Variants in CSMD1 observed in about 807,000 individuals in gnomAD.
The protein encoded by CSMD1 is CUB and sushi domain-containing protein 1.
In CSMD1, 213 loss-of-function variants were observed where a neutral mutation model predicts 417.5. That is an observed-to-expected ratio of 0.51 (90% CI 0.46 to 0.57). The LOEUF (loss-of-function observed/expected upper bound fraction) is 0.57, where lower values mean the gene tolerates loss of function less well. CSMD1 is among the 20% of genes least tolerant of loss of function. The probability of loss-of-function intolerance (pLI) is 0.00; values close to 1 mark genes in which losing one functional copy is unlikely to be tolerated. For synonymous variants in CSMD1, 2,862 were observed against 1,736.8 expected (o/e 1.65, Z -16.11); for missense variants, 6,923 against 4,529.7 (o/e 1.53, Z -15.17).
At chr8:3,842,077 C>A (rs1448478293) in intron 5 of CSMD1, among the ~76,000 whole-genome samples, 4 of 152,172 alleles carry the variant, frequency 2.6e-5, no homozygotes, top group African/African-American at 9.7e-5. Flanking sequence ...AAAACACACA[C>A]TAAATGTAAC....
intron 1 of CSMD1, among the ~76,000 whole-genome samples, chr8:4,713,894 G>A (rs1331426842): frequency 6.6e-6 from 1 of 152,094 alleles, no homozygotes; most frequent in Non-Finnish European, 1.5e-5. Context: ...GATAAAATTT[G>A]GGCTTGTGGG....
At chr8:3,730,283 A>C (rs1367450869) in intron 6 of CSMD1, among the ~76,000 whole-genome samples, 2 of 151,978 alleles carry the variant, frequency 1.3e-5, no homozygotes. Flanking sequence ...CCTTGGATGC[A>C]TCATCCCTGA....
intron 1 of CSMD1, among the ~76,000 whole-genome samples, chr8:4,925,233 T>G (rs1007630402): frequency 6.3e-5 from 9 of 142,370 alleles, no homozygotes; most frequent in African/African-American, 2.3e-4. Context: ...TTTTTTTTTT[T>G]TTTTTTTGCA....
At chr8:3,303,599 C>T (rs1176773561) in intron 25 of CSMD1, among the ~76,000 whole-genome samples, 1 of 152,190 alleles carries the variant, frequency 6.6e-6, no homozygotes, top group Non-Finnish European at 1.5e-5. Context: ...TCAAAGTGAG[C>T]TTTCCAGACA....
chr8:4,907,157 T>C (rs1314409608), intron 1 of CSMD1, among the ~76,000 whole-genome samples: 2 of 152,226 alleles, frequency 1.3e-5, no homozygotes, highest in Non-Finnish European at 2.9e-5. Flanking sequence ...GAAATATTCT[T>C]ACTTAAATCA....
intron 5 of CSMD1, among the ~76,000 whole-genome samples, chr8:3,781,941 C>T (rs768513426): frequency 6.6e-6 from 1 of 151,938 alleles, no homozygotes; most frequent in East Asian, 1.9e-4. Flanking sequence ...ATCTCACATG[C>T]CAACTCCATT....
In CSMD1 at chr8:3,011,175, A is replaced by G. The variant is rs189881589; in HGVS notation, c.8029+7302T>C. ...AGAAAAATATCATTAAATACTATTCAGAAATATGACAGAAAAACCCACCGC... is the reference window on the plus strand; with the variant it reads ...AGAAAAATATCATTAAATACTATTCGGAAATATGACAGAAAAACCCACCGC... On this transcript the variant is annotated intron_variant, in intron 52 of 69. Coordinates refer to ENST00000635120, the MANE Select transcript of CSMD1 (RefSeq NM_033225.6). Among the ~76,000 whole-genome samples the G allele has an allele frequency of 1.9e-3, 288 of 152,334 alleles. 1 individual carries two copies. Among genetic ancestry groups the G allele is most frequent in the South Asian group, 7.0e-3 (34 of 4,832 alleles).
intron 49 of CSMD1, among the ~76,000 whole-genome samples, chr8:3,054,893 T>C (rs916538061): frequency 2.6e-5 from 4 of 152,198 alleles, no homozygotes; most frequent in Admixed American, 6.5e-5. Flanking sequence ...GTGGAAAATA[T>C]TCATCTTAAT....
chr8:4,582,265 C>A (rs1336339586), intron 2 of CSMD1, among the ~76,000 whole-genome samples: 1 of 152,042 alleles, frequency 6.6e-6, no homozygotes, highest in Non-Finnish European at 1.5e-5. Context: ...AAAATGGTCC[C>A]GGACATGATC....
chr8:3,470,432 T>A (rs1054550394), intron 11 of CSMD1, among the ~76,000 whole-genome samples: 5 of 152,178 alleles, frequency 3.3e-5, no homozygotes, highest in Non-Finnish European at 7.4e-5. Context: ...TTTACCTAGT[T>A]TCCCCGAGTG....
intron 2 of CSMD1, among the ~76,000 whole-genome samples, chr8:4,514,751 A>G (rs1253489029): frequency 6.6e-6 from 1 of 152,208 alleles, no homozygotes; most frequent in East Asian, 1.9e-4. Context: ...ATGATTGTGA[A>G]CAGTGGAGAA....
At chr8:4,291,246 TTAAG>T (rs1797343351) in intron 3 of CSMD1, among the ~76,000 whole-genome samples, 3 of 152,088 alleles carry the variant, frequency 2.0e-5, no homozygotes, top group African/African-American at 7.2e-5. Context: ...TGTGCAAATA[TTAAG>T]TAATAAAGAA....
At chr8:4,781,063 CT>C (rs1471519276) in intron 1 of CSMD1, among the ~76,000 whole-genome samples, 7 of 152,184 alleles carry the variant, frequency 4.6e-5, no homozygotes, top group African/African-American at 1.7e-4. Context: ...ATTTTCCTTT[CT>C]GTGTCCCGCC....
chr8:4,076,694 A>G (rs189571472), intron 3 of CSMD1, among the ~76,000 whole-genome samples: 1 of 152,316 alleles, frequency 6.6e-6, no homozygotes. Flanking sequence ...ATTTAGCCAT[A>G]TCTTGTCTTT....
At chr8:4,274,054 G>C (rs916115165) in intron 3 of CSMD1, among the ~76,000 whole-genome samples, 2 of 152,144 alleles carry the variant, frequency 1.3e-5, no homozygotes, top group African/African-American at 4.8e-5. Flanking sequence ...GTTGAAGTAA[G>C]AAACTGTGAC....
At chr8:4,271,426 G>A (rs551590776) in intron 3 of CSMD1, among the ~76,000 whole-genome samples, 2 of 152,242 alleles carry the variant, frequency 1.3e-5, no homozygotes, top group East Asian at 3.9e-4. Context: ...TTGAAATGTT[G>A]TAGGAGACTC....
chr8:3,007,449 C>G (rs1208357797), intron 52 of CSMD1, among the ~76,000 whole-genome samples: 1 of 151,192 alleles, frequency 6.6e-6, no homozygotes, highest in Non-Finnish European at 1.5e-5. Context: ...ATAAATCATG[C>G]TGCTATAAAG....
intron 1 of CSMD1, among the ~76,000 whole-genome samples, chr8:4,647,944 G>C (rs1413095612): frequency 1.3e-5 from 2 of 152,200 alleles, no homozygotes; most frequent in Non-Finnish European, 2.9e-5. Context: ...TAATGGGATT[G>C]CTGGTCAAAT....
intron 1 of CSMD1, among the ~76,000 whole-genome samples, chr8:4,907,403 T>C (rs1805360361): frequency 6.6e-6 from 1 of 152,166 alleles, no homozygotes; most frequent in African/African-American, 2.4e-5. Flanking sequence ...CAAGTATGAA[T>C]TACTGCAAAT....
Sources: allele counts gnomAD v4.1 joint callset (sites outside exome capture counted in the v4.1 genomes callset), GRCh38; gene constraint gnomAD v4.1.1; transcripts MANE v1.5; gene names NCBI Gene and HGNC (gene_info 2026-07-23, HGNC 2026-07-21).